USO1: variants seen among roughly 807,000 people sequenced by gnomAD.
USO1 encodes the protein USO1 vesicle transport factor.
Under a neutral mutation model 124.5 loss-of-function variants are expected in USO1, and 57 were observed. That is an observed-to-expected ratio of 0.46 (90% CI 0.37 to 0.57). The LOEUF (loss-of-function observed/expected upper bound fraction) is 0.57, where lower values mean the gene tolerates loss of function less well. Ranked by LOEUF, USO1 falls within the 20% of genes least tolerant of loss-of-function variation. The pLI is 0.00. For synonymous variants in USO1, 369 were observed against 362.8 expected, an observed-to-expected ratio of 1.02 and a Z score of -0.19; for missense variants, 900 against 1,040.6, an observed-to-expected ratio of 0.86 and a Z score of 1.86.
Position 75,805,313 on chromosome 4 carries a change from A to C in USO1, c.2289+10A>C. On this transcript the variant is annotated intron_variant, in intron 19 of 23. Transcript: ENST00000514213. ...TATGATTGAAAATATGGTAAAGTAA[A>C]TGTTTAAGAAGTTAAAATAAGAGTT... 6.4e-7 allele frequency: 1 copy of C among 1,574,296 alleles called. No homozygotes were observed. The highest frequency in any genetic ancestry group is 1.4e-5 in the African/African-American group (1 of 72,972).
chr4:75,732,396 A>T (rs1720657036), intron 1 of USO1, among the ~76,000 whole-genome samples: 1 of 152,154 alleles, frequency 6.6e-6, no homozygotes, highest in Non-Finnish European at 1.5e-5. Flanking sequence ...CATTTTCTTT[A>T]TCCAGTCCAC....
chr4:75,791,813 G>A (rs1722540196), intron 12 of USO1, among the ~76,000 whole-genome samples: 1 of 151,634 alleles, frequency 6.6e-6, no homozygotes. Flanking sequence ...AAAAAAATTT[G>A]GTAAAAAATT....
chr4:75,737,517 C>T (rs1006346533), intron 1 of USO1, among the ~76,000 whole-genome samples: 6 of 130,424 alleles, frequency 4.6e-5, no homozygotes, highest in Non-Finnish European at 9.6e-5. Context: ...AGCTGTCAGG[C>T]TGATGTTTTT....
At chr4:75,811,412 C>A (rs946750444) in intron 22 of USO1, among the ~76,000 whole-genome samples, 2 of 152,144 alleles carry the variant, frequency 1.3e-5, no homozygotes, top group South Asian at 2.1e-4. Flanking sequence ...CGCATTGGCC[C>A]CCCCCAAAGT....
In USO1 at chr4:75,813,265, A is replaced by T; in HGVS notation, c.2859A>T (p.Glu953Asp). Reference sequence around the variant, plus strand: ...AAGAGGATGAGGATGATGAAAGTGAAGATCCTGGCAAGGATCTAGATCATA... The same window carrying T: ...AAGAGGATGAGGATGATGAAAGTGATGATCCTGGCAAGGATCTAGATCATA... ...GDQEDEDDESEDPGKDLDHI is the reference protein window; with the variant it reads ...GDQEDEDDESDDPGKDLDHI The change falls in exon 24 of 24, where the codon GAA (glutamate) becomes GAT (aspartate). Residue 953 changes from glutamate (E) to aspartate (D), a missense_variant. Physicochemically the swap from Glu to Asp is conservative, Grantham distance 45. Around this residue, in one of 2 missense-constraint regions of USO1, gnomAD observed 362 missense variants for 359.0 expected, o/e 1.01. Transcript: ENST00000514213. 2.5e-6 allele frequency: 4 copies of T among 1,611,148 alleles called. No individual in the cohort carries two copies. Among genetic ancestry groups the T allele is most frequent in the Non-Finnish European group, 3.4e-6 (4 of 1,179,010 alleles).
intron 1 of USO1, among the ~76,000 whole-genome samples, chr4:75,751,663 T>G (rs1721300115): frequency 6.6e-6 from 1 of 151,168 alleles, no homozygotes; most frequent in African/African-American, 2.4e-5. Context: ...AAACCCTGTC[T>G]CTACTAAAAA....
chr4:75,735,951 AT>A (rs1439938215), intron 1 of USO1, among the ~76,000 whole-genome samples: 2 of 152,148 alleles, frequency 1.3e-5, no homozygotes, highest in Non-Finnish European at 2.9e-5. Flanking sequence ...GTTTTTTTTA[AT>A]TGACCAGTTG....
At chr4:75,783,055 A>G (rs1722265607) in intron 9 of USO1, among the ~76,000 whole-genome samples, 197 bp downstream of exon 9, 1 of 152,200 alleles carries the variant, frequency 6.6e-6, no homozygotes, top group Non-Finnish European at 1.5e-5. Context: ...GACAGTTATT[A>G]ACATCTGGCA....
At chr4:75,730,074 A>G (rs1014455524) in intron 1 of USO1, 18 of 244,674 alleles carry the variant, frequency 7.4e-5, no homozygotes, top group South Asian at 6.1e-4. Flanking sequence ...CTGTTTTGCA[A>G]TAACAATGTC....
chr4:75,791,394 G>C (rs2149182121), intron 12 of USO1, among the ~76,000 whole-genome samples: 1 of 152,210 alleles, frequency 6.6e-6, no homozygotes, highest in Middle Eastern at 3.4e-3. Flanking sequence ...CGTGGTGGCA[G>C]GTGCCTTTAA....
rs750875072 is a variant in USO1, at chr4:75,787,107, AG to A, written c.902del (p.Ser301IlefsTer20). 6.2e-7 allele frequency: 1 copy of A among 1,607,546 alleles called. No individual in the cohort carries two copies. Among genetic ancestry groups the A allele is most frequent in the Non-Finnish European group, 8.5e-7 (1 of 1,177,258 alleles). Reference sequence around the variant, plus strand: ...TCCCACCAACCCTCCTGGTGCTACCAGTAGCTGCCAGAAGGCTATGTTCCAG... The same window carrying A: ...TCCCACCAACCCTCCTGGTGCTACCATAGCTGCCAGAAGGCTATGTTCCAG... ...VSPTNPPGAT[S>X]SCQKAMFQCG... On this transcript the variant is annotated frameshift_variant, in exon 10 of 24. Transcript: ENST00000514213. LOFTEE classifies it high-confidence loss of function.
rs1395005894 is a variant in USO1, at chr4:75,793,848, A to G, written c.1399A>G (p.Ile467Val). 1 of 1,613,900 alleles carries G rather than the reference A, an allele frequency of 6.2e-7. No homozygotes were observed. Among genetic ancestry groups the G allele is most frequent in the East Asian group, 2.2e-5 (1 of 44,886 alleles). ...QLLRVQLATS[I>V]GNPPVSLLQQ... ...GCTCAGGGTTCAACTTGCTACAAGT[A>G]TTGGCAACCCTCCAGTTTCTTTACT... is the stretch of plus-strand genomic sequence containing the variant. The change falls in exon 13 of 24, where the codon ATT (isoleucine) becomes GTT (valine). Residue 467 changes from isoleucine to valine, a missense_variant. Transcript: ENST00000514213.
At position 75,733,624 on chromosome 4, in the gene USO1, T is replaced by G. The variant is rs200227372; in HGVS notation, c.66+8739T>G. 7.2e-5 allele frequency among the ~76,000 whole-genome samples: 11 copies of G among 152,350 alleles called. No homozygotes were observed. The East Asian group carries it at 2.1e-3, about 29-fold the overall frequency. On this transcript the variant is annotated intron_variant, in intron 1 of 23. Transcript: ENST00000514213. ...TTTCTTGCCTATGTATATGTATTGTTTGGAGAAGTGTCTGTTCATGTCCTT... is the reference window on the plus strand; with the variant it reads ...TTTCTTGCCTATGTATATGTATTGTGTGGAGAAGTGTCTGTTCATGTCCTT...
intron 19 of USO1, 90 bp downstream of exon 19, chr4:75,805,393 CAG>C: frequency 7.0e-7 from 1 of 1,430,832 alleles, no homozygotes; most frequent in Non-Finnish European, 9.2e-7. Flanking sequence ...TCTCTTAAGC[CAG>C]AATATCATAT....
intron 18 of USO1, among the ~76,000 whole-genome samples, chr4:75,804,768 G>A (rs1304550866): frequency 6.6e-6 from 1 of 152,144 alleles, no homozygotes; most frequent in Non-Finnish European, 1.5e-5. Flanking sequence ...TTTAAGTTGT[G>A]CCTGGAAAAT....
At chr4:75,771,033 A>G in intron 6 of USO1, 49 bp from the exon 7 acceptor site, 2 of 1,598,616 alleles carry the variant, frequency 1.3e-6, no homozygotes, top group Non-Finnish European at 1.7e-6. Context: ...TTGAGTCACT[A>G]TTTGTATTTT....
chr4:75,790,109 T>G (rs747678080), intron 10 of USO1, 41 bp from the exon 11 acceptor site: 2 of 1,496,954 alleles, frequency 1.3e-6, no homozygotes, highest in East Asian at 2.4e-5. Flanking sequence ...CTTCTTGACT[T>G]AATTTCTCTA....
At chr4:75,738,869 T>G (rs1019941915) in intron 1 of USO1, among the ~76,000 whole-genome samples, 2 of 151,970 alleles carry the variant, frequency 1.3e-5, no homozygotes, top group African/African-American at 4.8e-5. Flanking sequence ...GTTTGGTTTA[T>G]TTTTTTGGAG....
At chr4:75,809,190 A>G in intron 21 of USO1, 139 bp downstream of exon 21, 5 of 1,041,752 alleles carry the variant, frequency 4.8e-6, no homozygotes, top group South Asian at 1.8e-5. Flanking sequence ...TTCTAGTAAC[A>G]TAGGCTTCAT....
Sources: allele counts gnomAD v4.1 joint callset (sites outside exome capture counted in the v4.1 genomes callset), GRCh38; gene constraint gnomAD v4.1.1; regional missense constraint gnomAD v4.1.1; transcripts MANE v1.5; gene names NCBI Gene and HGNC (gene_info 2026-07-23, HGNC 2026-07-21).